KIF14: variants seen among roughly 807,000 people sequenced by gnomAD.
KIF14 encodes the protein kinesin-like protein KIF14.
A neutral mutation model predicts 176.2 loss-of-function variants in KIF14; 98 were observed. The observed-to-expected ratio is 0.56, with a 90% confidence interval of 0.47 to 0.66. The LOEUF (loss-of-function observed/expected upper bound fraction) is 0.66, where lower values mean the gene tolerates loss of function less well. KIF14 is among the 30% of genes least tolerant of loss of function. The pLI is 0.00. For missense variants in KIF14, 1,751 were observed against 1,920.4 expected, an observed-to-expected ratio of 0.91 and a Z score of 1.65; for synonymous variants, 566 against 632.2, an observed-to-expected ratio of 0.90 and a Z score of 1.57.
intron 21 of KIF14, among the ~76,000 whole-genome samples, 176 bp downstream of exon 21, chr1:200,580,078 T>A (rs1658359190): frequency 6.6e-6 from 1 of 152,090 alleles, no homozygotes; most frequent in African/African-American, 2.4e-5. Flanking sequence ...TAAATATATA[T>A]AATTGTTAAT....
chr1:200,605,336 C>T lies in KIF14; in HGVS notation c.1693G>A (p.Asp565Asn). ...ACTGAATGAGATCGGGAACTTTTAT[C>T]ATTCATACCAGTAGCAGCAGTAGCT... ...QRATAATGMNDKSSRSHSVFT... is the reference protein window; with the variant it reads ...QRATAATGMNNKSSRSHSVFT... The change falls in exon 8 of 30, where the codon GAT becomes AAT. Residue 565 changes from aspartate to asparagine, a missense_variant. Physicochemically the swap from Asp to Asn is conservative, Grantham distance 23. Coordinates refer to ENST00000367350, the MANE Select transcript of KIF14 (RefSeq NM_014875.3). 1 of 1,613,754 alleles carries T rather than the reference C, an allele frequency of 6.2e-7. No homozygotes were observed. Among genetic ancestry groups the T allele is most frequent in the Non-Finnish European group, 8.5e-7 (1 of 1,179,828 alleles).
intron 21 of KIF14, among the ~76,000 whole-genome samples, chr1:200,576,503 G>A (rs575246002): frequency 2.0e-5 from 3 of 149,942 alleles, no homozygotes; most frequent in Non-Finnish European, 4.5e-5. Flanking sequence ...AAAAGTAGGA[G>A]GTAAGTTAAA....
At chr1:200,588,660 G>T (rs909161602) in intron 18 of KIF14, among the ~76,000 whole-genome samples, 1 of 152,188 alleles carries the variant, frequency 6.6e-6, no homozygotes, top group Non-Finnish European at 1.5e-5. Flanking sequence ...GTGCTTGAAG[G>T]TATTAACATT....
At chr1:200,593,819 G>T in intron 14 of KIF14, 50 bp from the exon 15 acceptor site, 1 of 1,084,626 alleles carries the variant, frequency 9.2e-7, no homozygotes, top group Non-Finnish European at 1.4e-6. Flanking sequence ...ACACTAAAAA[G>T]TAAGAAAAAG....
chr1:200,565,742 CT>C, intron 23 of KIF14, 73 bp from the exon 24 acceptor site: 1 of 968,000 alleles, frequency 1.0e-6, no homozygotes, highest in South Asian at 1.8e-5. Flanking sequence ...AAAAGGGATC[CT>C]TACTTTATGT....
At chr1:200,585,221 T>A (rs1231399823) in intron 19 of KIF14, among the ~76,000 whole-genome samples, 2 of 148,256 alleles carry the variant, frequency 1.3e-5, no homozygotes, top group Non-Finnish European at 3.0e-5. Flanking sequence ...AGAGAGTATA[T>A]CCTAAGTGTC....
At position 200,565,497 on chromosome 1, in the gene KIF14, T is replaced by G. The variant is rs1657397630; in HGVS notation, c.3834A>C (p.Leu1278=). The change falls in exon 24 of 30, where the codon CTA becomes CTC. Residue 1278 remains leucine, a synonymous_variant. Transcript: ENST00000367350. ...CTTCATGAGCCTTGGAAATGGCAAA[T>G]AGCCCATTATAAATTTTAAGAAAAC... The part of the protein sequence containing the change: ...INSFLKIYNG[L]FAISKAHEEQ... 1.2e-6 allele frequency: 2 copies of G among 1,610,206 alleles called. No homozygotes were observed. Among genetic ancestry groups the G allele is most frequent in the African/African-American group, 2.7e-5 (2 of 74,822 alleles).
chr1:200,601,065 T>A (rs977825824), intron 11 of KIF14, among the ~76,000 whole-genome samples: 1 of 152,148 alleles, frequency 6.6e-6, no homozygotes, highest in South Asian at 2.1e-4. Context: ...GTATTTTTAG[T>A]AGAGACAGGG....
chr1:200,576,706 A>G (rs114437114), intron 21 of KIF14, among the ~76,000 whole-genome samples: 3,018 of 152,276 alleles, frequency 0.02, 97 homozygotes, highest in African/African-American at 0.068. Flanking sequence ...TTTCACATAA[A>G]CATTGTCAAT....
At chr1:200,590,886 C>T (rs964937565) in intron 16 of KIF14, among the ~76,000 whole-genome samples, 2 of 151,960 alleles carry the variant, frequency 1.3e-5, no homozygotes, top group African/African-American at 4.8e-5. Context: ...ATTAGCCAGG[C>T]GTGGTGGTGT....
At chr1:200,610,652 C>A (rs1010466012) in intron 4 of KIF14, among the ~76,000 whole-genome samples, 2 of 152,068 alleles carry the variant, frequency 1.3e-5, no homozygotes, top group African/African-American at 4.8e-5. Flanking sequence ...AGGTTATTGT[C>A]AGGACATAAA....
At chr1:200,607,203 A>G (rs1443822049) in intron 5 of KIF14, among the ~76,000 whole-genome samples, 1 of 151,860 alleles carries the variant, frequency 6.6e-6, no homozygotes, top group Non-Finnish European at 1.5e-5. Context: ...ACAGTGGTGC[A>G]ATCTTGGCTC....
Position 200,617,715 on chromosome 1 carries a change from C to A in KIF14, c.1009G>T (p.Glu337Ter). Residue 337 changes from glutamate (E) to a stop codon, truncating the protein, a stop_gained, in exon 2 of 30, where the codon GAA (glutamate) becomes TAA (stop). Coordinates refer to ENST00000367350, the MANE Select transcript of KIF14 (RefSeq NM_014875.3). LOFTEE classifies it high-confidence loss of function. ...ERSAENTILPEEETVVQNTSA... is the reference protein window; with the variant it reads ...ERSAENTILP The stretch of plus-strand genomic sequence containing the variant: ...GTGTTCTGAACTACAGTTTCTTCTT[C>A]GGGAAGAATTGTATTTTCTGCGGAT... 1 of 1,614,100 alleles carries A rather than the reference C, an allele frequency of 6.2e-7. No homozygotes were observed. Among genetic ancestry groups the A allele is most frequent in the Non-Finnish European group, 8.5e-7 (1 of 1,180,006 alleles).
intron 22 of KIF14, among the ~76,000 whole-genome samples, chr1:200,573,423 A>ATTTTTTTTTTTTTTTTTTTTTTT (rs1657921825): frequency 1.2e-5 from 1 of 84,430 alleles, no homozygotes; most frequent in Non-Finnish European, 2.2e-5. Context: ...CAAGGAGCTC[A>ATTTTTTTTTTTTTTTTTTTTTTT]TTTCTTTTTT....
chr1:200,568,459 T>C (rs115543143), intron 23 of KIF14, among the ~76,000 whole-genome samples: 3,585 of 152,350 alleles, frequency 0.024, 49 homozygotes, highest in Non-Finnish European at 0.035. Flanking sequence ...AGATGAGATA[T>C]AATACCTTTT....
At chr1:200,557,700 C>G (rs527258627) in intron 27 of KIF14, among the ~76,000 whole-genome samples, 2 of 152,230 alleles carry the variant, frequency 1.3e-5, no homozygotes, top group East Asian at 3.9e-4. Context: ...CTAAGATGAG[C>G]TAGAAGTACA....
intron 21 of KIF14, among the ~76,000 whole-genome samples, chr1:200,576,249 C>T (rs1401225067): frequency 2.6e-5 from 4 of 151,764 alleles, no homozygotes; most frequent in South Asian, 2.1e-4. Flanking sequence ...GAGGCCGAGG[C>T]GGGCGGATCA....
In KIF14 at chr1:200,580,420, A is replaced by C. The variant is rs201657699; in HGVS notation, c.3336-37T>G. ...ATAAACAAAAAAAAGCTTATCCTGAAACATACACATCCATTTATACTAAGA... is the reference window on the plus strand; with the variant it reads ...ATAAACAAAAAAAAGCTTATCCTGACACATACACATCCATTTATACTAAGA... On this transcript the variant is annotated intron_variant, in intron 20 of 29. Coordinates refer to ENST00000367350, the MANE Select transcript of KIF14 (RefSeq NM_014875.3). 39 of 1,359,894 alleles carry C rather than the reference A, an allele frequency of 2.9e-5. No individual in the cohort carries two copies. In the African/African-American group the frequency reaches 5.2e-4, roughly 18 times the overall value. 84.2% of individuals were successfully genotyped at this position (1,359,894 alleles called of 1,614,324 possible). A position where few individuals can be genotyped will look rare whatever the true frequency, so the allele number is the denominator to read the frequency against.
chr1:200,603,877 G>A lies in KIF14; in HGVS notation c.1825C>T (p.Arg609Cys), dbSNP rs745945219. Residue 609 changes from arginine to cysteine, a missense_variant, in exon 9 of 30, where the codon CGC (arginine) becomes TGC (cysteine). Physicochemically the swap from Arg to Cys is radical, Grantham distance 180. Transcript: ENST00000367350. ...INLIDLAGSE[R>C]CSTAHTNGDR... is the part of the protein sequence containing the mutation. ...CCATTAGTGTGAGCCGTAGAGCAGC[G>A]CTCACTGCCTGCCAGATCTATTAGG... 7.4e-6 allele frequency: 12 copies of A among 1,612,372 alleles called. No individual in the cohort carries two copies. The highest frequency in any genetic ancestry group is 1.6e-4 in the Middle Eastern group (1 of 6,084).
Sources: gnomAD v4.1 joint callset for allele counts (sites outside exome capture counted in the v4.1 genomes callset) on GRCh38, gnomAD v4.1.1 for gene constraint, MANE v1.5 for transcripts, NCBI Gene and HGNC (gene_info 2026-07-23, HGNC 2026-07-21) for gene names.